The following PLS3 variants were observed in gnomAD, a reference collection of about 807,000 sequenced individuals.
PLS3 encodes plastin 3, also known as plastin-3.
In PLS3, 11 loss-of-function variants were observed where a neutral mutation model predicts 46.5. The ratio of observed to expected loss-of-function variants is 0.24; its 90% CI spans 0.15 to 0.39. The LOEUF is 0.39. Among genes scored for constraint, PLS3 ranks in the 10% least tolerant of loss-of-function variants. The probability of loss-of-function intolerance (pLI) is 1.00; values close to 1 mark genes in which losing one functional copy is unlikely to be tolerated. For synonymous variants in PLS3, 167 were observed against 162.2 expected (o/e 1.03, Z -0.22); for missense variants, 308 against 461.8 (o/e 0.67, Z 3.05).
At chrX:115,566,641 T>G (rs2074175699) in intron 1 of PLS3, among the ~76,000 whole-genome samples, 1 of 109,873 alleles carries the variant, frequency 9.1e-6, no homozygotes, top group Non-Finnish European at 1.9e-5. Context: ...CCTCCCAAAG[T>G]GCTGGGATTA....
At chrX:115,565,213 C>T (rs1472350921) in intron 1 of PLS3, among the ~76,000 whole-genome samples, 1 of 111,123 alleles carries the variant, frequency 9.0e-6, no homozygotes, top group Non-Finnish European at 1.9e-5. Context: ...ATTTTAGTTA[C>T]GGAGGTGAGA....
intron 1 of PLS3, among the ~76,000 whole-genome samples, chrX:115,606,165 CTTTTTTTTTT>C (rs782575149): frequency 2.3e-4 from 7 of 30,287 alleles, no homozygotes; most frequent in East Asian, 1.2e-3. Context: ...CTTTTCTTTT[CTTTTTTTTTT>C]TTTTTTTTTT....
intron 1 of PLS3, among the ~76,000 whole-genome samples, chrX:115,596,916 G>A (rs782621101): frequency 4.6e-5 from 5 of 109,328 alleles, no homozygotes; most frequent in African/African-American, 1.3e-4. Context: ...AGGCCGAGGC[G>A]GGTGGGTCAC....
intron 1 of PLS3, among the ~76,000 whole-genome samples, chrX:115,579,497 A>C (rs2074268426): frequency 1.8e-5 from 2 of 111,786 alleles, no homozygotes; most frequent in Admixed American, 1.9e-4. Flanking sequence ...GCCCAGAGTG[A>C]CTGTACCATT....
chrX:115,595,687 C>CTTT (rs35860715), intron 1 of PLS3, among the ~76,000 whole-genome samples: 42 of 82,960 alleles, frequency 5.1e-4, no homozygotes, highest in Non-Finnish European at 6.9e-4. Context: ...TATTTTCTTT[C>CTTT]TTTTTTTTTT....
chrX:115,595,039 A>G (rs1330869453), intron 1 of PLS3, among the ~76,000 whole-genome samples: 1 of 111,714 alleles, frequency 9.0e-6, no homozygotes, highest in Non-Finnish European at 1.9e-5. Flanking sequence ...CTTTTAGACT[A>G]TAATTGAGAC....
intron 1 of PLS3, among the ~76,000 whole-genome samples, chrX:115,608,620 A>C (rs113792272): frequency 1.8e-5 from 2 of 112,153 alleles, no homozygotes; most frequent in African/African-American, 6.5e-5. Context: ...TAAGATTATA[A>C]TACTATATTC....
chrX:115,631,553 C>A (rs782530947), intron 5 of PLS3, among the ~76,000 whole-genome samples: 15 of 110,020 alleles, frequency 1.4e-4, no homozygotes, highest in Non-Finnish European at 2.3e-4. Context: ...GGCAACAAAA[C>A]GAGACCCTGT....
chrX:115,601,464 A>T (rs1192462033), intron 1 of PLS3, among the ~76,000 whole-genome samples: 1 of 97,099 alleles, frequency 1.0e-5, no homozygotes, highest in African/African-American at 4.7e-5. Context: ...GATCTGATAA[A>T]AAAAAAAAAA....
At chrX:115,612,784 G>T (rs2074559877) in intron 2 of PLS3, among the ~76,000 whole-genome samples, 1 of 111,381 alleles carries the variant, frequency 9.0e-6, no homozygotes, top group African/African-American at 3.3e-5. Flanking sequence ...AGAATTTAAA[G>T]TTCTCTTTTC....
intron 1 of PLS3, among the ~76,000 whole-genome samples, chrX:115,577,619 A>G (rs782123794): frequency 9.0e-6 from 1 of 110,851 alleles, no homozygotes; most frequent in South Asian, 3.9e-4. Context: ...CTGGGATTAC[A>G]GGCGTGCACC....
rs782190890 is a variant in PLS3 at position 115,641,961 on chromosome X, C to A, written c.988-1352C>A. ...CCCCAACCTTCCTTCCCACCACCAC[C>A]CAGGTGCCTTTGCTCATGCTGTTCT... On this transcript the variant is annotated intron_variant, in intron 9 of 15. Coordinates refer to ENST00000355899, the MANE Select transcript of PLS3 (RefSeq NM_005032.7). Among the ~76,000 whole-genome samples the A allele has an allele frequency of 2.7e-5, 3 of 109,604 alleles. No homozygotes were observed. The South Asian group carries it at 1.2e-3, about 44-fold the overall frequency.
chrX:115,578,471 A>C (rs1556631458), intron 1 of PLS3, among the ~76,000 whole-genome samples: 1 of 111,066 alleles, frequency 9.0e-6, no homozygotes, highest in South Asian at 3.8e-4. Flanking sequence ...CACGCCTGTA[A>C]TCCCAGCACT....
intron 1 of PLS3, among the ~76,000 whole-genome samples, chrX:115,589,245 T>C (rs1427314590): frequency 1.8e-5 from 2 of 111,727 alleles, no homozygotes; most frequent in Non-Finnish European, 3.8e-5. Flanking sequence ...GTGCTGGGAT[T>C]ACAAGCACCA....
intron 1 of PLS3, among the ~76,000 whole-genome samples, chrX:115,585,490 A>C (rs1259470014): frequency 9.0e-6 from 1 of 110,565 alleles, no homozygotes; most frequent in African/African-American, 3.3e-5. Context: ...TCCTGGGTTC[A>C]AGATTTTCTC....
intron 1 of PLS3, among the ~76,000 whole-genome samples, chrX:115,584,054 T>C (rs1476296644): frequency 8.9e-6 from 1 of 112,091 alleles, no homozygotes; most frequent in Admixed American, 9.6e-5. Flanking sequence ...GTAACCACCA[T>C]GTGTTTGGCC....
intron 10 of PLS3, among the ~76,000 whole-genome samples, chrX:115,643,983 A>T (rs1189642381): frequency 3.6e-5 from 4 of 111,085 alleles, no homozygotes; most frequent in East Asian, 2.8e-4. Context: ...AAAAATAAAT[A>T]AAAAAAATAA....
intron 7 of PLS3, among the ~76,000 whole-genome samples, chrX:115,636,622 G>T (rs953133143): frequency 9.0e-6 from 1 of 111,587 alleles, no homozygotes; most frequent in Non-Finnish European, 1.9e-5. Context: ...GAAATGTGAA[G>T]AATAACAGAG....
chrX:115,610,331 T>C lies in PLS3; in HGVS notation c.73+8T>C. 1 of 1,024,792 alleles carries C rather than the reference T, an allele frequency of 9.8e-7. No individual in the cohort carries two copies. The highest frequency in any genetic ancestry group is 1.3e-6 in the Non-Finnish European group (1 of 741,035). The allele number at this position is 1,024,792 out of a possible 1,213,427, so 84.5% of individuals were successfully genotyped here. On this transcript the variant is annotated splice_region_variant and intron_variant, in intron 2 of 15. Transcript: ENST00000355899. The stretch of plus-strand genomic sequence containing the variant: ...AGGCCTTTGCAAAAGTTGGTGAGTA[T>C]TTTTTGTAGTAAAACTATAGGGAAG...
Sources: allele counts gnomAD v4.1 joint callset (sites outside exome capture counted in the v4.1 genomes callset), GRCh38; gene constraint gnomAD v4.1.1; transcripts MANE v1.5; gene names NCBI Gene and HGNC (gene_info 2026-07-23, HGNC 2026-07-21).